ASAP2: variants seen among roughly 807,000 people sequenced by gnomAD.
ASAP2 encodes arf-GAP with SH3 domain, ANK repeat and PH domain-containing protein 2.
In ASAP2, 45 loss-of-function variants were observed where a neutral mutation model predicts 131.4. The observed-to-expected ratio is 0.34, with a 90% CI of 0.27 to 0.44. The LOEUF (loss-of-function observed/expected upper bound fraction) is 0.44, where lower values mean the gene tolerates loss of function less well. Ranked by LOEUF, ASAP2 falls within the 20% of genes least tolerant of loss-of-function variation. The pLI is 1.00. For synonymous variants in ASAP2, 510 were observed against 503.0 expected (o/e 1.01, Z -0.19); for missense variants, 1,011 against 1,297.0 (o/e 0.78, Z 3.39).
At position 9,356,179 on chromosome 2, in the gene ASAP2, A is replaced by T. The variant is rs1169834909; in HGVS notation, c.1161A>T (p.Ile387=). The T allele has an allele frequency of 1.2e-6, 2 of 1,613,930 alleles. No individual in the cohort carries two copies. Among genetic ancestry groups the T allele is most frequent in the African/African-American group, 1.3e-5 (1 of 74,922 alleles). ...FQAEDEQECQ[I]WMSVLQNSKE... ...CACAGCGTTGCTCTTGTTTTTCTAG[A>T]TGGATGTCTGTGCTGCAAAATAGCA... The change falls in exon 14 of 28, where the codon ATA becomes ATT. Residue 387 remains isoleucine, a splice_region_variant and synonymous_variant. Coordinates refer to ENST00000281419, the MANE Select transcript of ASAP2 (RefSeq NM_003887.3).
chr2:9,337,112 T>A (rs1331078224), intron 9 of ASAP2, among the ~76,000 whole-genome samples: 1 of 152,246 alleles, frequency 6.6e-6, no homozygotes, highest in Non-Finnish European at 1.5e-5. Context: ...TTGTTGTTTT[T>A]TGTTAACCAG....
At chr2:9,396,353 C>T (rs540658937) in intron 24 of ASAP2, among the ~76,000 whole-genome samples, 2 of 152,240 alleles carry the variant, frequency 1.3e-5, no homozygotes, top group South Asian at 4.1e-4. Context: ...CGGTTCACCG[C>T]AGCCTCGACC....
At position 9,207,284 on chromosome 2, in the gene ASAP2, G is replaced by A; in HGVS notation, c.126+54G>A. On this transcript the variant is annotated intron_variant, in intron 1 of 27. Coordinates refer to ENST00000281419, the MANE Select transcript of ASAP2 (RefSeq NM_003887.3). This position sits in a 1 kb window ranked among gnomAD's most constrained non-coding sequence, Gnocchi z 4.1. ...CGCAGGTATCCCGCGCCCCAGCCCCGCCCGCCGCTCCCGCATCCGCATCCC... is the reference window on the plus strand; with the variant it reads ...CGCAGGTATCCCGCGCCCCAGCCCCACCCGCCGCTCCCGCATCCGCATCCC... 2 of 1,458,922 alleles carry A rather than the reference G, an allele frequency of 1.4e-6. No individual in the cohort carries two copies. The highest frequency in any genetic ancestry group is 1.8e-6 in the Non-Finnish European group (2 of 1,110,144). 90.4% of individuals were successfully genotyped at this position (1,458,922 alleles called of 1,614,324 possible). A position where few individuals can be genotyped will look rare whatever the true frequency, so the allele number is the denominator to read the frequency against.
At chr2:9,346,786 G>A (rs904537265) in intron 11 of ASAP2, among the ~76,000 whole-genome samples, 3 of 152,230 alleles carry the variant, frequency 2.0e-5, no homozygotes, top group African/African-American at 7.2e-5. Context: ...AAGCCAGTGA[G>A]TGGCTCTTTC....
chr2:9,365,231 C>T (rs1673376393), intron 15 of ASAP2, among the ~76,000 whole-genome samples: 1 of 152,172 alleles, frequency 6.6e-6, no homozygotes, highest in Admixed American at 6.5e-5. Flanking sequence ...TTGGTCAAGC[C>T]CCTTCCCTTG....
Position 9,285,044 on chromosome 2 carries a change from T to C in ASAP2, c.199+5655T>C, listed in dbSNP as rs75617317. Among the ~76,000 whole-genome samples the C allele has an allele frequency of 3.1e-3, 469 of 152,296 alleles. 2 individuals carry two copies. Among genetic ancestry groups the C allele is most frequent in the African/African-American group, 0.01 (436 of 41,558 alleles). On this transcript the variant is annotated intron_variant, in intron 2 of 27. Coordinates refer to ENST00000281419, the MANE Select transcript of ASAP2 (RefSeq NM_003887.3). ...CTCAGCAACCCACAGTGTGATGGTCTCTGGAGATGGGGCCTTTGGGAAGTA... is the reference window on the plus strand; with the variant it reads ...CTCAGCAACCCACAGTGTGATGGTCCCTGGAGATGGGGCCTTTGGGAAGTA...
intron 1 of ASAP2, among the ~76,000 whole-genome samples, chr2:9,278,140 G>C (rs1291364986): frequency 1.3e-5 from 2 of 152,150 alleles, no homozygotes; most frequent in African/African-American, 4.8e-5. Context: ...GCTTCATTTA[G>C]TTTTCATAGG....
rs1661181924 is a variant in ASAP2, at chr2:9,207,288, G to A, written c.126+58G>A. 1.6e-5 allele frequency: 24 copies of A among 1,465,736 alleles called. 1 individual carries two copies. In the South Asian group the frequency reaches 2.6e-4, roughly 16 times the overall value. 90.8% of individuals were successfully genotyped at this position (1,465,736 alleles called of 1,614,324 possible). The stretch of plus-strand genomic sequence containing the variant: ...GGTATCCCGCGCCCCAGCCCCGCCC[G>A]CCGCTCCCGCATCCGCATCCCGAGA... On this transcript the variant is annotated intron_variant, in intron 1 of 27. Coordinates refer to ENST00000281419, the MANE Select transcript of ASAP2 (RefSeq NM_003887.3). The surrounding 1 kb of genome is among the most constrained non-coding windows in gnomAD (Gnocchi z 4.1).
At chr2:9,393,231 C>G (rs1041046466) in intron 23 of ASAP2, among the ~76,000 whole-genome samples, 1 of 150,806 alleles carries the variant, frequency 6.6e-6, no homozygotes, top group African/African-American at 2.5e-5. Flanking sequence ...TGAGAAAATA[C>G]TCACTCACAG....
At chr2:9,399,028 T>C (rs1572641567) in intron 24 of ASAP2, 1 of 152,088 alleles carries the variant, frequency 6.6e-6, no homozygotes, top group Non-Finnish European at 1.5e-5. Flanking sequence ...GCTAGACTGG[T>C]CAAATGGGAG....
intron 27 of ASAP2, 55 bp downstream of exon 27, chr2:9,401,451 A>T: frequency 6.3e-7 from 1 of 1,592,158 alleles, no homozygotes; most frequent in Non-Finnish European, 8.6e-7. Context: ...GTCCCTGCCC[A>T]CCTGGCTGGA....
Position 9,400,819 on chromosome 2 carries a change from A to G in ASAP2, c.2812A>G (p.Lys938Glu). 6.2e-7 allele frequency: 1 copy of G among 1,613,400 alleles called. No homozygotes were observed. Among genetic ancestry groups the G allele is most frequent in the East Asian group, 2.2e-5 (1 of 44,848 alleles). The change falls in exon 26 of 28, where the codon AAG becomes GAG. Residue 938 changes from lysine (K) to glutamate (E), a missense_variant. Transcript: ENST00000281419. ...GCAGCCCCCTGCACCCATGCCTAGG[A>G]AGTCGCAGGCAGTAAGTGACGAGCC... ...VLQPPAPMPR[K>E]SQATKLKPKR...
At chr2:9,401,504 A>C in intron 27 of ASAP2, 108 bp downstream of exon 27, 1 of 1,415,316 alleles carries the variant, frequency 7.1e-7, no homozygotes, top group Non-Finnish European at 9.5e-7. Flanking sequence ...TGAGCAGTCC[A>C]GATGTAGTTC....
chr2:9,364,069 T>A (rs187286990), intron 15 of ASAP2, among the ~76,000 whole-genome samples: 86 of 152,374 alleles, frequency 5.6e-4, no homozygotes, highest in African/African-American at 2.0e-3. Flanking sequence ...TAGAAGATCA[T>A]GATTTCAGCT....
chr2:9,300,987 C>T (rs1189119791), intron 3 of ASAP2, among the ~76,000 whole-genome samples: 1 of 152,238 alleles, frequency 6.6e-6, no homozygotes, highest in African/African-American at 2.4e-5. Flanking sequence ...GGAAGCTGCA[C>T]AGCCAGAGGA....
intron 1 of ASAP2, among the ~76,000 whole-genome samples, chr2:9,231,962 A>C (rs1247610531): frequency 6.6e-6 from 1 of 152,114 alleles, no homozygotes; most frequent in Non-Finnish European, 1.5e-5. Context: ...CCTGTGAGTG[A>C]AGCTCCTGCT....
At chr2:9,335,266 A>G in intron 9 of ASAP2, 87 bp downstream of exon 9, 2 of 1,158,322 alleles carry the variant, frequency 1.7e-6, no homozygotes, top group East Asian at 4.9e-5. Flanking sequence ...CATGTCTTCT[A>G]GGAGCTCACA....
At chr2:9,302,473 C>T (rs1039158071) in intron 3 of ASAP2, among the ~76,000 whole-genome samples, 1 of 151,270 alleles carries the variant, frequency 6.6e-6, no homozygotes, top group African/African-American at 2.4e-5. Flanking sequence ...GCCTGGCCAA[C>T]TTTTTTTGTT....
intron 1 of ASAP2, among the ~76,000 whole-genome samples, chr2:9,209,079 G>A (rs915374279): frequency 8.5e-5 from 13 of 152,166 alleles, no homozygotes; most frequent in African/African-American, 3.1e-4. Context: ...TTACCCTAGA[G>A]CTCAGTTACT....
Sources: gnomAD v4.1 joint callset for allele counts (sites outside exome capture counted in the v4.1 genomes callset) on GRCh38, gnomAD v4.1.1 for gene constraint, Gnocchi (gnomAD v3.1) non-coding constraint, MANE v1.5 for transcripts, NCBI Gene and HGNC (gene_info 2026-07-23, HGNC 2026-07-21) for gene names.